KL: variants seen among roughly 807,000 people sequenced by gnomAD.
KL encodes klotho.
In KL, 62 loss-of-function variants were observed where a neutral mutation model predicts 84.2. The ratio of observed to expected loss-of-function variants is 0.74; its 90% confidence interval spans 0.60 to 0.91. The LOEUF (loss-of-function observed/expected upper bound fraction) is 0.91, where lower values mean the gene tolerates loss of function less well. Among genes scored for constraint, KL ranks in the 40% least tolerant of loss-of-function variants. The pLI, the probability that KL is intolerant of heterozygous loss-of-function variation, is 0.00. For synonymous variants in KL, 528 were observed against 528.0 expected, an observed-to-expected ratio of 1.00 and a Z score of 0.00; for missense variants, 1,261 against 1,305.7, an observed-to-expected ratio of 0.97 and a Z score of 0.53.
rs1321860034 is a variant in KL, at chr13:33,016,569, C to T, written c.129C>T (p.Ala43=). Residue 43 remains alanine, a synonymous_variant, in exon 1 of 5, where the codon GCC becomes GCT. Transcript: ENST00000380099. The part of the protein sequence containing the change: ...AEPGDGAQTW[A]RFSRPPAPEA... ...CGGGCGACGGCGCGCAGACCTGGGC[C>T]CGTTTCTCGCGGCCTCCTGCCCCCG... The T allele has an allele frequency of 2.7e-6, 4 of 1,478,908 alleles. No homozygotes were observed. The highest frequency in any genetic ancestry group is 3.6e-6 in the Non-Finnish European group (4 of 1,117,528). The allele number at this position is 1,478,908 out of a possible 1,614,324, so 91.6% of individuals were successfully genotyped here.
At chr13:33,039,909 A>G (rs472875) in intron 1 of KL, among the ~76,000 whole-genome samples, 149,229 of 152,242 alleles carry the variant, frequency 0.98, 73,200 homozygotes, top group East Asian at 1. Context: ...TTTGTAGAAG[A>G]CTGTAAGGCT....
At position 33,054,194 on chromosome 13, in the gene KL, G is replaced by A; in HGVS notation, c.1247G>A (p.Gly416Asp). ...CCTCAAATATTTATTGTGGAAAATG[G>A]CTGGTTTGTCTCAGGGACCACCAAG... ...NHPQIFIVEN[G>D]WFVSGTTKRD... The change falls in exon 2 of 5, where the codon GGC becomes GAC. Residue 416 changes from glycine (G) to aspartate (D), a missense_variant. Physicochemically the swap from Gly to Asp is moderately conservative, Grantham distance 94. Transcript: ENST00000380099. 1 of 1,613,136 alleles carries A rather than the reference G, an allele frequency of 6.2e-7. No homozygotes were observed. The highest frequency in any genetic ancestry group is 8.5e-7 in the Non-Finnish European group (1 of 1,179,782).
rs144181834 is a variant in KL at position 33,055,135 on chromosome 13, G to A, written c.1419G>A (p.Arg473=). 7.7e-5 allele frequency: 125 copies of A among 1,614,184 alleles called. No individual in the cohort carries two copies. The African/African-American group carries it at 1.4e-3, about 19-fold the overall frequency. Residue 473 remains arginine (R), a synonymous_variant, in exon 3 of 5, where the codon AGG becomes AGA. Transcript: ENST00000380099. ...AGTGGCACAGAGGTTACAGCATCAG[G>A]CGTGGACTCTTCTATGTTGACTTTC... ...GFEWHRGYSI[R]RGLFYVDFLS...
At chr13:33,023,301 T>G (rs12584533) in intron 1 of KL, among the ~76,000 whole-genome samples, 1 of 152,190 alleles carries the variant, frequency 6.6e-6, no homozygotes, top group Admixed American at 6.5e-5. Context: ...ACCTTATATA[T>G]GTCAACGTGT....
At chr13:33,028,294 AG>A (rs1231325325) in intron 1 of KL, among the ~76,000 whole-genome samples, 1 of 152,216 alleles carries the variant, frequency 6.6e-6, no homozygotes, top group South Asian at 2.1e-4. Flanking sequence ...CACAAAGACT[AG>A]TGAGGAGTGC....
In KL at chr13:33,060,687, C is replaced by A; in HGVS notation, c.1608C>A (p.Thr536=). 1 of 1,614,142 alleles carries A rather than the reference C, an allele frequency of 6.2e-7. No homozygotes were observed. Among genetic ancestry groups the A allele is most frequent in the African/African-American group, 1.3e-5 (1 of 75,024 alleles). The change falls in exon 4 of 5, where the codon ACC becomes ACA. Residue 536 remains threonine, a synonymous_variant. Coordinates refer to ENST00000380099, the MANE Select transcript of KL (RefSeq NM_004795.4). ...GVVDNYIQVD[T]TLSQFTDLNV... ...TACTCTGCCCTTCACAGGTAGATAC[C>A]ACTCTGTCTCAGTTTACCGACCTGA...
chr13:33,061,046 C>A lies in KL; in HGVS notation c.1967C>A (p.Ala656Asp). 6.2e-7 allele frequency: 1 copy of A among 1,611,880 alleles called. No homozygotes were observed. Among genetic ancestry groups the A allele is most frequent in the Non-Finnish European group, 8.5e-7 (1 of 1,178,332 alleles). Residue 656 changes from alanine to aspartate, a missense_variant, in exon 4 of 5, where the codon GCC becomes GAC. Ala to Asp is a moderately radical substitution (Grantham distance 126). Transcript: ENST00000380099. ...GLPRLLARQG[A>D]WENPYTALAF... ...CCGCGCCTCCTGGCCAGGCAGGGCG[C>A]CTGGGAGAACCCCTACACTGCCCTG... is the stretch of plus-strand genomic sequence containing the variant.
chr13:33,017,229 C>G lies in KL; in HGVS notation c.789C>G (p.Leu263=), dbSNP rs776422494. The G allele has an allele frequency of 8.2e-6, 13 of 1,587,974 alleles. No individual in the cohort carries two copies. The South Asian group carries it at 1.3e-4, about 16-fold the overall frequency. The change falls in exon 1 of 5, where the codon CTC becomes CTG. Residue 263 remains leucine (L), a synonymous_variant. Coordinates refer to ENST00000380099, the MANE Select transcript of KL (RefSeq NM_004795.4). ...LAPGIRGSPR[L]GYLVAHNLLL... The stretch of plus-strand genomic sequence containing the variant: ...CCGGCATCCGGGGCAGCCCGCGGCT[C>G]GGGTACCTGGTGGCGCACAACCTCC...
chr13:33,026,920 T>C (rs1870799403), intron 1 of KL, among the ~76,000 whole-genome samples: 1 of 152,180 alleles, frequency 6.6e-6, no homozygotes, highest in African/African-American at 2.4e-5. Context: ...TTGATTCTTT[T>C]ATCAGCTGTT....
intron 3 of KL, among the ~76,000 whole-genome samples, chr13:33,056,020 G>A (rs1246498275): frequency 4.6e-5 from 7 of 152,114 alleles, no homozygotes; most frequent in Admixed American, 1.3e-4. Context: ...TTAGTTGCTC[G>A]GGTCGCTTGG....
At chr13:33,025,426 T>C (rs1870733747) in intron 1 of KL, among the ~76,000 whole-genome samples, 1 of 152,112 alleles carries the variant, frequency 6.6e-6, no homozygotes, top group African/African-American at 2.4e-5. Flanking sequence ...TTTACAAAAA[T>C]AGGTAGTGGG....
intron 4 of KL, among the ~76,000 whole-genome samples, chr13:33,062,681 A>AG (rs1252587669): frequency 1.1e-4 from 16 of 150,994 alleles, no homozygotes; most frequent in African/African-American, 3.4e-4. Context: ...TCAAAAAAAA[A>AG]AAAAAAAAAA....
rs947191941 is a variant in KL, at chr13:33,064,404, G to A, written c.*218G>A. 2.0e-4 allele frequency: 88 copies of A among 440,044 alleles called. 1 individual carries two copies. The East Asian group carries it at 3.2e-3, about 16-fold the overall frequency. 27.3% of individuals were successfully genotyped at this position (440,044 alleles called of 1,614,324 possible). ...GCCTGAATTTGTTCTCTTTTTGGGT[G>A]ATTAAAAAACTGACAGGCACTATAA... On this transcript the variant is annotated 3_prime_UTR_variant, in exon 5 of 5. Coordinates refer to ENST00000380099, the MANE Select transcript of KL (RefSeq NM_004795.4).
At chr13:33,022,867 G>A (rs191171843) in intron 1 of KL, among the ~76,000 whole-genome samples, 2 of 152,296 alleles carry the variant, frequency 1.3e-5, no homozygotes, top group African/African-American at 4.8e-5. Flanking sequence ...TGGTTTCAAC[G>A]TGTCCATATT....
Position 33,063,975 on chromosome 13 carries a change from A to G in KL, c.2828A>G (p.His943Arg). ...TTTGAGCCCAAGGCATCCATGAAAC[A>G]TTACAGGAAAATTATTGACAGCAAT... ...DQFEPKASMK[H>R]YRKIIDSNGF... The change falls in exon 5 of 5, where the codon CAT (histidine) becomes CGT (arginine). Residue 943 changes from histidine to arginine, a missense_variant. Transcript: ENST00000380099. 1 of 1,614,188 alleles carries G rather than the reference A, an allele frequency of 6.2e-7. No individual in the cohort carries two copies. The highest frequency in any genetic ancestry group is 8.5e-7 in the Non-Finnish European group (1 of 1,180,034).
At chr13:33,016,266 C>T (rs1330083026), upstream of KL, 3 of 151,870 alleles carry the variant, frequency 2.0e-5, no homozygotes, top group Non-Finnish European at 4.4e-5. Context: ...CCCTCGGCGC[C>T]CCTGCCCCCG....
At chr13:33,055,365 A>T in intron 3 of KL, 50 bp downstream of exon 3, 1 of 1,610,634 alleles carries the variant, frequency 6.2e-7, no homozygotes, top group Non-Finnish European at 8.5e-7. Flanking sequence ...CCCTATCACT[A>T]GTAAGTAGTG....
chr13:33,057,520 G>T (rs1872008593), intron 3 of KL, among the ~76,000 whole-genome samples: 1 of 152,074 alleles, frequency 6.6e-6, no homozygotes, highest in African/African-American at 2.4e-5. Flanking sequence ...CTGACCTAAG[G>T]TCAGCCACTA....
intron 1 of KL, among the ~76,000 whole-genome samples, chr13:33,041,960 G>T (rs2227122): frequency 0.014 from 2,150 of 152,242 alleles, 26 homozygotes; most frequent in Middle Eastern, 0.044. Context: ...TTCTTCCCAA[G>T]AATGTAAGCT....
Sources: allele counts gnomAD v4.1 joint callset (sites outside exome capture counted in the v4.1 genomes callset), GRCh38; gene constraint gnomAD v4.1.1; transcripts MANE v1.5; gene names NCBI Gene and HGNC (gene_info 2026-07-23, HGNC 2026-07-21).